NBEAL1: variants seen among roughly 807,000 people sequenced by gnomAD.
The protein encoded by NBEAL1 is neurobeachin like 1.
Under a neutral mutation model 351.3 loss-of-function variants are expected in NBEAL1, and 273 were observed. That is an observed-to-expected ratio of 0.78 (90% CI 0.70 to 0.86). The LOEUF is 0.86. Ranked by LOEUF, NBEAL1 falls within the 40% of genes least tolerant of loss-of-function variation. NBEAL1 has a pLI of 0.00. For synonymous variants in NBEAL1, 1,050 were observed against 1,086.4 expected, an observed-to-expected ratio of 0.97 and a Z score of 0.66; for missense variants, 2,961 against 3,201.3, an observed-to-expected ratio of 0.92 and a Z score of 1.81.
Position 203,151,558 on chromosome 2 carries a change from T to A in NBEAL1, c.5556T>A (p.His1852Gln). The change falls in exon 35 of 56, where the codon CAT becomes CAA. Residue 1852 changes from histidine to glutamine, a missense_variant. Physicochemically the swap from His to Gln is conservative, Grantham distance 24 (BLOSUM62 0). Coordinates refer to ENST00000683969, the MANE Select transcript of NBEAL1 (RefSeq NM_001378026.1). ...KLVPNYNFKTHEEASALRDNL... is the reference protein window; with the variant it reads ...KLVPNYNFKTQEEASALRDNL... ...TACCGAATTATAATTTCAAAACCCA[T>A]GAGGAAGCTAGTGCCTTGAGAGATA... 6.2e-7 allele frequency: 1 copy of A among 1,609,474 alleles called. No individual in the cohort carries two copies. The highest frequency in any genetic ancestry group is 1.1e-5 in the South Asian group (1 of 90,022).
chr2:203,024,185 G>A lies in NBEAL1; in HGVS notation c.51+7750G>A, dbSNP rs367923487. On this transcript the variant is annotated intron_variant, in intron 2 of 55. Transcript: ENST00000683969. ...TAGTCCAGCCTGGGTGACAGAGTAA[G>A]ACTCTTTCTCACACAAAAAAAAAAA... Among the ~76,000 whole-genome samples the A allele has an allele frequency of 1.7e-4, 26 of 149,262 alleles. 1 individual carries two copies. The South Asian group carries it at 5.5e-3, about 32-fold the overall frequency.
intron 36 of NBEAL1, among the ~76,000 whole-genome samples, chr2:203,159,121 C>T (rs1262056125): frequency 6.6e-6 from 1 of 151,838 alleles, no homozygotes; most frequent in Non-Finnish European, 1.5e-5. Flanking sequence ...AGCCGCTGCA[C>T]CCAGCCCTCT....
chr2:203,040,522 A>T (rs1488402636), intron 2 of NBEAL1: 2 of 672,618 alleles, frequency 3.0e-6, no homozygotes, highest in Admixed American at 1.8e-5. Context: ...AACTTATGTG[A>T]CCTGGGGATT....
intron 41 of NBEAL1, 93 bp downstream of exon 41, chr2:203,172,946 T>TA (rs1300314899): frequency 1.3e-5 from 13 of 995,192 alleles, no homozygotes; most frequent in East Asian, 1.1e-4. Flanking sequence ...ATTTTTTTTT[T>TA]ATCGTACTAC....
At chr2:203,046,896 C>T (rs888009356) in intron 3 of NBEAL1, among the ~76,000 whole-genome samples, 8 of 152,114 alleles carry the variant, frequency 5.3e-5, no homozygotes, top group East Asian at 1.9e-4. Flanking sequence ...ACATATAGGT[C>T]GGATGCAGTG....
In NBEAL1 at chr2:203,211,027, G is replaced by C. The variant is rs1437320245; in HGVS notation, c.7855G>C (p.Val2619Leu). 1.9e-6 allele frequency: 3 copies of C among 1,606,820 alleles called. No individual in the cohort carries two copies. The highest frequency in any genetic ancestry group is 2.2e-5 in the East Asian group (1 of 44,654). The stretch of plus-strand genomic sequence containing the variant: ...AGGGTCTCAAATCCTGAAGGAACAA[G>C]TATCAGATATATGTATAATCGGAGA... Reference protein sequence around the residue: ...YLGSQILKEQVSDICIIGEHI... With the variant: ...YLGSQILKEQLSDICIIGEHI... Residue 2619 changes from valine (V) to leucine (L), a missense_variant, in exon 54 of 56, where the codon GTA becomes CTA. Coordinates refer to ENST00000683969, the MANE Select transcript of NBEAL1 (RefSeq NM_001378026.1).
At position 203,148,991 on chromosome 2, in the gene NBEAL1, G is replaced by A. The variant is rs1428700821; in HGVS notation, c.5305G>A (p.Glu1769Lys). ...CCTTACTTTTTATTGTTTCTTTCAG[G>A]AGCTGTTTGTGGAGCCATTTAATCG... ...EGGESKLKFQELFVEPFNRKA... is the reference protein window; with the variant it reads ...EGGESKLKFQKLFVEPFNRKA... The change falls in exon 34 of 56, where the codon GAG (glutamate) becomes AAG (lysine). Residue 1769 changes from glutamate to lysine, a missense_variant and splice_region_variant. By Grantham distance (56) the Glu-to-Lys change is moderately conservative. Coordinates refer to ENST00000683969, the MANE Select transcript of NBEAL1 (RefSeq NM_001378026.1). 1.2e-6 allele frequency: 2 copies of A among 1,603,348 alleles called. No homozygotes were observed. Among genetic ancestry groups the A allele is most frequent in the Non-Finnish European group, 8.5e-7 (1 of 1,174,370 alleles).
chr2:203,112,931 A>G (rs2062604859), intron 16 of NBEAL1, 84 bp from the exon 17 acceptor site: 2 of 1,198,928 alleles, frequency 1.7e-6, no homozygotes, highest in East Asian at 2.8e-5. Flanking sequence ...GTGTAATTTT[A>G]TGTACTATTT....
chr2:203,102,908 T>C lies in NBEAL1; in HGVS notation c.1269+3196T>C, dbSNP rs557393191. Reference sequence around the variant, plus strand: ...TACCAGCTCTTTTTTATGTATCTGATAGAATTTGGCTGTGCATCTTTCTGG... The same window carrying C: ...TACCAGCTCTTTTTTATGTATCTGACAGAATTTGGCTGTGCATCTTTCTGG... On this transcript the variant is annotated intron_variant, in intron 12 of 55. Transcript: ENST00000683969. 1.1e-4 allele frequency among the ~76,000 whole-genome samples: 17 copies of C among 152,326 alleles called. No homozygotes were observed. In the South Asian group the frequency reaches 3.5e-3, roughly 32 times the overall value.
At chr2:203,092,176 C>T (rs2062078065) in intron 10 of NBEAL1, among the ~76,000 whole-genome samples, 1 of 151,954 alleles carries the variant, frequency 6.6e-6, no homozygotes, top group Non-Finnish European at 1.5e-5. Flanking sequence ...AGAAAAATAG[C>T]AGAAATATGG....
At chr2:203,126,287 T>C (rs554939804) in intron 21 of NBEAL1, among the ~76,000 whole-genome samples, 194 bp downstream of exon 21, 17 of 152,328 alleles carry the variant, frequency 1.1e-4, no homozygotes, top group African/African-American at 4.1e-4. Flanking sequence ...TTATTTTATG[T>C]AATAGTGTAT....
Position 203,056,512 on chromosome 2 carries a change from G to A in NBEAL1, c.387+4G>A. 1 of 1,491,728 alleles carries A rather than the reference G, an allele frequency of 6.7e-7. No homozygotes were observed. The highest frequency in any genetic ancestry group is 9.2e-7 in the Non-Finnish European group (1 of 1,091,552). The allele number at this position is 1,491,728 out of a possible 1,614,324, so 92.4% of individuals were successfully genotyped here. ...GACAACACTCTATATTCAGCAAGTAGGTGTGAACTAATCTTTTTTGTCACT... is the reference window on the plus strand; with the variant it reads ...GACAACACTCTATATTCAGCAAGTAAGTGTGAACTAATCTTTTTTGTCACT... On this transcript the variant is annotated splice_donor_region_variant and intron_variant, in intron 5 of 55. Coordinates refer to ENST00000683969, the MANE Select transcript of NBEAL1 (RefSeq NM_001378026.1).
intron 52 of NBEAL1, 68 bp from the exon 53 acceptor site, chr2:203,209,093 C>T: frequency 7.7e-7 from 1 of 1,293,246 alleles, no homozygotes; most frequent in South Asian, 1.4e-5. Context: ...CTGGCCCACT[C>T]TACTTTTATT....
At chr2:203,179,200 A>G (rs1489396182) in intron 42 of NBEAL1, among the ~76,000 whole-genome samples, 3 of 152,144 alleles carry the variant, frequency 2.0e-5, no homozygotes, top group African/African-American at 7.3e-5. Context: ...GAAATAAAAC[A>G]GAAGGGATTT....
rs138696743 is a variant in NBEAL1 at position 203,025,050 on chromosome 2, T to A, written c.51+8615T>A. 5.0e-3 allele frequency among the ~76,000 whole-genome samples: 766 copies of A among 152,326 alleles called. 4 individuals carry two copies. The highest frequency in any genetic ancestry group is 0.017 in the African/African-American group (708 of 41,572). ...TTTGTAGATAGATGTTTCCTCTTTA[T>A]CTTTGTACTAACCTGGCCAAGGACC... On this transcript the variant is annotated intron_variant, in intron 2 of 55. Coordinates refer to ENST00000683969, the MANE Select transcript of NBEAL1 (RefSeq NM_001378026.1).
intron 10 of NBEAL1, among the ~76,000 whole-genome samples, chr2:203,094,921 A>G (rs1452545680): frequency 1.3e-5 from 2 of 152,194 alleles, no homozygotes. Context: ...CGGGAGTTCT[A>G]GACCAGCCTG....
intron 55 of NBEAL1, among the ~76,000 whole-genome samples, chr2:203,215,921 G>T (rs2065887732): frequency 6.6e-6 from 1 of 151,238 alleles, no homozygotes; most frequent in Admixed American, 6.6e-5. Flanking sequence ...TACGGTGGGA[G>T]GATTGCCTGA....
At position 203,221,619 on chromosome 2, in the gene NBEAL1, A is replaced by C. The variant is rs960947567; in HGVS notation, c.*4265A>C. 6.6e-6 allele frequency among the ~76,000 whole-genome samples: 1 copy of C among 152,198 alleles called. No homozygotes were observed. Among genetic ancestry groups the C allele is most frequent in the African/African-American group, 2.4e-5 (1 of 41,444 alleles). On this transcript the variant is annotated 3_prime_UTR_variant, in exon 56 of 56. Transcript: ENST00000683969. ...TACGCATTGTTCCTCTCATCAGCTG[A>C]AACTGTTTCTCCCCAATAAGTGAGC... is the stretch of plus-strand genomic sequence containing the variant.
chr2:203,139,596 T>C (rs1161429233), intron 31 of NBEAL1, among the ~76,000 whole-genome samples: 3 of 107,350 alleles, frequency 2.8e-5, no homozygotes, highest in Non-Finnish European at 5.2e-5. Context: ...TGAGACAGAG[T>C]GTCTCTGTGT....
Sources: gnomAD v4.1 joint callset for allele counts (sites outside exome capture counted in the v4.1 genomes callset) on GRCh38, gnomAD v4.1.1 for gene constraint, MANE v1.5 for transcripts, NCBI Gene and HGNC (gene_info 2026-07-23, HGNC 2026-07-21) for gene names.